Variants in TANGO6 observed in about 807,000 individuals in gnomAD.
TANGO6 encodes transport and Golgi organization protein 6 homolog.
Under a neutral mutation model 114.2 loss-of-function variants are expected in TANGO6, and 90 were observed. The ratio of observed to expected loss-of-function variants is 0.79; its 90% CI spans 0.66 to 0.94. TANGO6 has a LOEUF of 0.94. TANGO6 is among the 40% of genes least tolerant of loss of function. The pLI is 0.00. For missense variants in TANGO6, 1,274 were observed against 1,315.3 expected, an observed-to-expected ratio of 0.97 and a Z score of 0.49; for synonymous variants, 477 against 509.8, an observed-to-expected ratio of 0.94 and a Z score of 0.87.
intron 14 of TANGO6, among the ~76,000 whole-genome samples, chr16:68,958,807 G>T (rs1046229337): frequency 1.3e-5 from 2 of 151,932 alleles, no homozygotes; most frequent in Admixed American, 6.6e-5. Flanking sequence ...GTGTGGTGGT[G>T]CTTGCCTGTG....
At chr16:68,917,978 G>A (rs1031035717) in intron 11 of TANGO6, among the ~76,000 whole-genome samples, 3 of 150,290 alleles carry the variant, frequency 2.0e-5, no homozygotes, top group African/African-American at 7.4e-5. Flanking sequence ...GGAGTGTAGT[G>A]GTGCTATCTC....
At chr16:68,911,116 A>ATTTAT (rs1366355704) in intron 11 of TANGO6, among the ~76,000 whole-genome samples, 1 of 151,862 alleles carries the variant, frequency 6.6e-6, no homozygotes, top group Admixed American at 6.6e-5. Flanking sequence ...AGACCCTATA[A>ATTTAT]TTTATTTTAT....
At chr16:69,059,078 C>CTT (rs34994371) in intron 17 of TANGO6, among the ~76,000 whole-genome samples, 3 of 130,866 alleles carry the variant, frequency 2.3e-5, no homozygotes, top group Admixed American at 7.6e-5. Context: ...CAGCTAATTT[C>CTT]TTTTTTTTTT....
chr16:68,872,331 TTG>T (rs1962284823), intron 4 of TANGO6, among the ~76,000 whole-genome samples: 2 of 151,844 alleles, frequency 1.3e-5, no homozygotes, highest in Non-Finnish European at 2.9e-5. Flanking sequence ...AGGCAGAGTC[TTG>T]CTCTGTCACC....
intron 12 of TANGO6, among the ~76,000 whole-genome samples, chr16:68,926,223 G>A (rs971589145): frequency 1.3e-5 from 2 of 152,078 alleles, no homozygotes; most frequent in Admixed American, 6.6e-5. Context: ...GCCGGGCACC[G>A]TGGCTCATGC....
At chr16:69,023,606 A>G (rs895665575) in intron 16 of TANGO6, among the ~76,000 whole-genome samples, 3 of 152,152 alleles carry the variant, frequency 2.0e-5, no homozygotes, top group African/African-American at 7.2e-5. Flanking sequence ...GGAAAAGTAG[A>G]TAGAGCTTTA....
chr16:68,977,469 G>A (rs551377016), intron 15 of TANGO6, among the ~76,000 whole-genome samples: 207 of 151,206 alleles, frequency 1.4e-3, no homozygotes, highest in Non-Finnish European at 2.3e-3. Context: ...CAAGGCGGGC[G>A]GATCATGAGA....
In TANGO6 at chr16:68,904,385, A is replaced by G. The variant is rs528011713; in HGVS notation, c.1667+1881A>G. On this transcript the variant is annotated intron_variant, in intron 9 of 17. Coordinates refer to ENST00000261778, the MANE Select transcript of TANGO6 (RefSeq NM_024562.2). ...CATTTTGGCTTTTCCTTTAACATAGAATGTTGTGGAGAAAACATGACTGAT... is the reference window on the plus strand; with the variant it reads ...CATTTTGGCTTTTCCTTTAACATAGGATGTTGTGGAGAAAACATGACTGAT... Among the ~76,000 whole-genome samples the G allele has an allele frequency of 2.0e-5, 3 of 152,316 alleles. No individual in the cohort carries two copies. In the East Asian group the frequency reaches 5.8e-4, roughly 29 times the overall value.
chr16:68,930,249 A>G lies in TANGO6; in HGVS notation c.2655A>G (p.Glu885=). ...TTTTGTGGTTCCAGATATTCTTGGA[A>G]AACTTGGAACATGAAGACACTTTTG... ...MQEKLLKIFL[E]NLEHEDTFVY... The change falls in exon 14 of 18, where the codon GAA becomes GAG. Residue 885 remains glutamate, a synonymous_variant. Transcript: ENST00000261778. 1.3e-6 allele frequency: 2 copies of G among 1,553,944 alleles called. No individual in the cohort carries two copies. Among genetic ancestry groups the G allele is most frequent in the Non-Finnish European group, 1.7e-6 (2 of 1,147,682 alleles).
chr16:69,009,450 C>T (rs765797512), intron 15 of TANGO6, among the ~76,000 whole-genome samples: 4 of 152,166 alleles, frequency 2.6e-5, no homozygotes, highest in Admixed American at 1.3e-4. Flanking sequence ...TATATACTAT[C>T]TTGATTATTG....
chr16:68,906,311 C>T (rs1206382936), intron 9 of TANGO6, among the ~76,000 whole-genome samples: 2 of 152,164 alleles, frequency 1.3e-5, no homozygotes, highest in East Asian at 1.9e-4. Context: ...TTTCTTATCT[C>T]GGCTAATTGG....
chr16:68,866,487 G>C (rs1281457024), intron 3 of TANGO6, among the ~76,000 whole-genome samples: 1 of 150,856 alleles, frequency 6.6e-6, no homozygotes, highest in African/African-American at 2.4e-5. Context: ...GCCGGGCGCG[G>C]TGGCGGGCGC....
In TANGO6 at chr16:68,915,531, T is replaced by G. The variant is rs569440720; in HGVS notation, c.1993-3554T>G. On this transcript the variant is annotated intron_variant, in intron 11 of 17. Transcript: ENST00000261778. ...TCTCCTGCCTTGGCCTCCCAAAGTA[T>G]TAGGTTACAGGCGTTAGCCACTGTG... is the stretch of plus-strand genomic sequence containing the variant. 5.9e-5 allele frequency among the ~76,000 whole-genome samples: 9 copies of G among 152,316 alleles called. 1 individual carries two copies. The highest frequency in any genetic ancestry group is 2.0e-4 in the Admixed American group (3 of 15,298).
intron 17 of TANGO6, among the ~76,000 whole-genome samples, chr16:69,057,125 C>T (rs1407919306): frequency 6.8e-6 from 1 of 147,076 alleles, no homozygotes; most frequent in Non-Finnish European, 1.5e-5. Context: ...CGTCATTCTC[C>T]TGCCTCAGCC....
chr16:68,868,567 G>C (rs748007845), intron 4 of TANGO6, among the ~76,000 whole-genome samples: 6 of 140,254 alleles, frequency 4.3e-5, no homozygotes, highest in Admixed American at 1.6e-4. Context: ...GCGTGATCTT[G>C]GCTCATTGCA....
At chr16:68,861,940 G>C (rs1483938264) in intron 2 of TANGO6, among the ~76,000 whole-genome samples, 3 of 152,084 alleles carry the variant, frequency 2.0e-5, no homozygotes, top group African/African-American at 7.2e-5. Flanking sequence ...AAGAGTAAGA[G>C]AGATAAACAA....
chr16:68,848,086 C>G (rs2152148848), intron 1 of TANGO6, among the ~76,000 whole-genome samples: 1 of 151,574 alleles, frequency 6.6e-6, no homozygotes, highest in South Asian at 2.1e-4. Context: ...CTCTCTCTCT[C>G]TCTGTTTCTC....
At chr16:68,949,083 G>A (rs1963444784) in intron 14 of TANGO6, among the ~76,000 whole-genome samples, 2 of 152,234 alleles carry the variant, frequency 1.3e-5, no homozygotes, top group South Asian at 4.1e-4. Context: ...CTACCTGGGA[G>A]GCTGAGGCTG....
chr16:69,064,305 C>T (rs993449207), intron 17 of TANGO6, among the ~76,000 whole-genome samples: 1 of 152,154 alleles, frequency 6.6e-6, no homozygotes, highest in East Asian at 1.9e-4. Context: ...CCTGAAGCAT[C>T]TTGCACAGAG....
Sources: allele counts gnomAD v4.1 joint callset (sites outside exome capture counted in the v4.1 genomes callset), GRCh38; gene constraint gnomAD v4.1.1; transcripts MANE v1.5; gene names NCBI Gene and HGNC (gene_info 2026-07-23, HGNC 2026-07-21).